LAMA4: variants seen among roughly 807,000 people sequenced by gnomAD.
The protein encoded by LAMA4 is laminin subunit alpha-4.
A neutral mutation model predicts 207.1 loss-of-function variants in LAMA4; 127 were observed. That is an observed-to-expected ratio of 0.61 (90% CI 0.53 to 0.71). LAMA4 has a LOEUF of 0.71. Ranked by LOEUF, LAMA4 falls within the 30% of genes least tolerant of loss-of-function variation. The pLI is 0.00. For missense variants in LAMA4, 2,093 were observed against 2,246.5 expected, an observed-to-expected ratio of 0.93 and a Z score of 1.38; for synonymous variants, 761 against 816.0, an observed-to-expected ratio of 0.93 and a Z score of 1.15.
At chr6:112,144,646 G>A (rs996862486) in intron 19 of LAMA4, 148 bp downstream of exon 19, 34 of 923,950 alleles carry the variant, frequency 3.7e-5, no homozygotes, top group African/African-American at 6.4e-5. Flanking sequence ...TGTTCCTCAC[G>A]TGTTTCTAAT....
Position 112,178,243 on chromosome 6 carries a change from T to C in LAMA4, c.1078-11A>G. 1 of 1,582,490 alleles carries C rather than the reference T, an allele frequency of 6.3e-7. No homozygotes were observed. Among genetic ancestry groups the C allele is most frequent in the Non-Finnish European group, 8.7e-7 (1 of 1,151,412 alleles). Reference sequence around the variant, plus strand: ...GGAGGCTTGATTTTCCTACAAATAATCCGTATAAAGGCTAGATTAAATGTA... The same window carrying C: ...GGAGGCTTGATTTTCCTACAAATAACCCGTATAAAGGCTAGATTAAATGTA... On this transcript the variant is annotated splice_polypyrimidine_tract_variant and intron_variant, in intron 9 of 38. Coordinates refer to ENST00000230538, the MANE Select transcript of LAMA4 (RefSeq NM_001105206.3).
chr6:112,216,479 A>G lies in LAMA4; in HGVS notation c.196-10T>C. The G allele has an allele frequency of 1.3e-6, 2 of 1,563,028 alleles. No homozygotes were observed. Among genetic ancestry groups the G allele is most frequent in the Non-Finnish European group, 1.8e-6 (2 of 1,133,390 alleles). ...ATCCAGCATTGCATTTCTGCAACAG[A>G]CACACCAAACCATTTTGATTATTGA... is the stretch of plus-strand genomic sequence containing the variant. On this transcript the variant is annotated splice_polypyrimidine_tract_variant and intron_variant, in intron 2 of 38. Coordinates refer to ENST00000230538, the MANE Select transcript of LAMA4 (RefSeq NM_001105206.3).
chr6:112,187,671 A>G, intron 7 of LAMA4, 70 bp from the exon 8 acceptor site: 2 of 1,426,978 alleles, frequency 1.4e-6, no homozygotes, highest in Non-Finnish European at 1.9e-6. Context: ...TTAGCAGAAC[A>G]TAAATCTCTA....
intron 12 of LAMA4, chr6:112,166,263 A>G (rs1781376208): frequency 1.3e-5 from 2 of 152,218 alleles, no homozygotes; most frequent in South Asian, 4.1e-4. Context: ...GTTATGGGGT[A>G]GGTGTAGGTC....
chr6:112,210,185 T>C (rs1319605964), intron 3 of LAMA4, among the ~76,000 whole-genome samples: 1 of 151,544 alleles, frequency 6.6e-6, no homozygotes, highest in African/African-American at 2.4e-5. Context: ...CTTTATAAAT[T>C]ACCCATTCTC....
Position 112,117,932 on chromosome 6 carries a change from T to G in LAMA4, c.4822-34A>C, listed in dbSNP as rs1161333953. 6.3e-7 allele frequency: 1 copy of G among 1,599,724 alleles called. No homozygotes were observed. Among genetic ancestry groups the G allele is most frequent in the African/African-American group, 1.3e-5 (1 of 74,554 alleles). On this transcript the variant is annotated intron_variant, in intron 34 of 38. Transcript: ENST00000230538. This position sits in a 1 kb window ranked among gnomAD's most constrained non-coding sequence, Gnocchi z 4.5. The stretch of plus-strand genomic sequence containing the variant: ...AGAAGATATTTCTTAAAATCAATTT[T>G]CTCAACACAAATGCACCAAGGGGAA...
At chr6:112,141,229 A>G in intron 21 of LAMA4, 129 bp downstream of exon 21, 1 of 954,504 alleles carries the variant, frequency 1.0e-6, no homozygotes, top group Non-Finnish European at 1.7e-6. Flanking sequence ...GAATAAAGGG[A>G]GGAAAATGCT....
chr6:112,129,331 C>T (rs1358186695), intron 30 of LAMA4, among the ~76,000 whole-genome samples: 1 of 152,106 alleles, frequency 6.6e-6, no homozygotes, highest in Non-Finnish European at 1.5e-5. Flanking sequence ...CCTCAACACA[C>T]TCTGGATGAT....
At chr6:112,176,458 A>G (rs1162550689) in intron 10 of LAMA4, among the ~76,000 whole-genome samples, 2 of 152,208 alleles carry the variant, frequency 1.3e-5, no homozygotes, top group Non-Finnish European at 2.9e-5. Flanking sequence ...ATACCAGGAT[A>G]AGGGGTTGTA....
At chr6:112,114,268 A>G in intron 37 of LAMA4, 73 bp from the exon 38 acceptor site, 10 of 1,448,078 alleles carry the variant, frequency 6.9e-6, no homozygotes, top group Non-Finnish European at 9.7e-6. Flanking sequence ...AAGACTATTT[A>G]TCACAGCAAT....
chr6:112,135,937 C>T (rs1173879031), intron 25 of LAMA4, 186 bp downstream of exon 25: 2 of 546,982 alleles, frequency 3.7e-6, no homozygotes, highest in Non-Finnish European at 3.3e-6. Flanking sequence ...AGGAAAAATA[C>T]ATCCAATGTT....
intron 6 of LAMA4, among the ~76,000 whole-genome samples, chr6:112,191,112 G>C (rs991045291): frequency 6.6e-6 from 1 of 151,630 alleles, no homozygotes; most frequent in Non-Finnish European, 1.5e-5. Context: ...AGGGATGCTG[G>C]GTGGGACTAT....
chr6:112,249,441 C>CAAAAAA (rs71762704), intron 2 of LAMA4, among the ~76,000 whole-genome samples: 1 of 52,754 alleles, frequency 1.9e-5, no homozygotes, highest in African/African-American at 6.9e-5. Context: ...GACTCTGTTT[C>CAAAAAA]AAAAAAAAAA....
At chr6:112,188,832 G>T in intron 7 of LAMA4, 1 of 388,084 alleles carries the variant, frequency 2.6e-6, no homozygotes, top group Admixed American at 3.9e-5. Flanking sequence ...ACTGGGAGTT[G>T]TGTTTCTGAC....
At chr6:112,213,724 A>T (rs1175289870) in intron 3 of LAMA4, 2 of 279,660 alleles carry the variant, frequency 7.2e-6, no homozygotes, top group East Asian at 1.2e-4. Context: ...CTTAGTTAAA[A>T]TCAGTCTGTA....
intron 13 of LAMA4, chr6:112,159,255 T>C: frequency 4.1e-6 from 1 of 241,972 alleles, no homozygotes; most frequent in South Asian, 5.4e-5. Flanking sequence ...TGTCTCTATT[T>C]TCTCTCACTT....
intron 6 of LAMA4, among the ~76,000 whole-genome samples, chr6:112,190,939 CTTTCTTTCCTTTCTTTCTTTCTTT>C (rs1783049099): frequency 4.3e-5 from 2 of 46,012 alleles, no homozygotes; most frequent in South Asian, 8.0e-4. Flanking sequence ...TTCTTTCTTT[CTTTCTTTCCTTTCTTTCTTTCTTT>C]CTTTCTTTCT....
chr6:112,221,280 A>G (rs1423226719), intron 2 of LAMA4, among the ~76,000 whole-genome samples: 1 of 152,154 alleles, frequency 6.6e-6, no homozygotes, highest in Non-Finnish European at 1.5e-5. Flanking sequence ...GTCTATTCTC[A>G]TAGGAGCTGA....
At chr6:112,240,725 AT>A (rs1267512721) in intron 2 of LAMA4, among the ~76,000 whole-genome samples, 1 of 152,032 alleles carries the variant, frequency 6.6e-6, no homozygotes, top group African/African-American at 2.4e-5. Context: ...GCTGGATCTC[AT>A]TTTTTTATGG....
Sources: gnomAD v4.1 joint callset for allele counts (sites outside exome capture counted in the v4.1 genomes callset) on GRCh38, gnomAD v4.1.1 for gene constraint, Gnocchi (gnomAD v3.1) non-coding constraint, MANE v1.5 for transcripts, NCBI Gene and HGNC (gene_info 2026-07-23, HGNC 2026-07-21) for gene names.